Variants in STK32B observed in about 807,000 individuals in gnomAD.
STK32B encodes the protein serine/threonine kinase 32B, also known as serine/threonine-protein kinase 32B.
A neutral mutation model predicts 52.6 loss-of-function variants in STK32B; 43 were observed. The observed-to-expected ratio is 0.82, with a 90% confidence interval of 0.64 to 1.05. The LOEUF (loss-of-function observed/expected upper bound fraction) is 1.05, where lower values mean the gene tolerates loss of function less well. STK32B is among the 50% of genes least tolerant of loss of function. The pLI is 0.00. For missense variants in STK32B, 621 were observed against 534.6 expected (o/e 1.16, Z -1.59); for synonymous variants, 238 against 204.3 (o/e 1.17, Z -1.41).
At chr4:5,167,457 G>A (rs1007842068) in intron 2 of STK32B, among the ~76,000 whole-genome samples, 1 of 152,084 alleles carries the variant, frequency 6.6e-6, no homozygotes, top group Admixed American at 6.5e-5. Flanking sequence ...AGCTTCTCCT[G>A]TGCTCCCCCA....
At chr4:5,317,043 ATATATATAATATATATGATATAATATAT>A (rs1730992778) in intron 3 of STK32B, among the ~76,000 whole-genome samples, 1 of 29,030 alleles carries the variant, frequency 3.4e-5, no homozygotes, top group Non-Finnish European at 4.7e-5. Context: ...ATAATATATT[ATATATATAATATATATGATATAATATAT>A]TATATATTAT....
At chr4:5,096,212 G>A (rs573568894) in intron 1 of STK32B, among the ~76,000 whole-genome samples, 2 of 152,250 alleles carry the variant, frequency 1.3e-5, no homozygotes, top group South Asian at 4.2e-4. Context: ...AAAACTTTGG[G>A]TTTACCCTAA....
At chr4:5,419,883 A>G (rs1712478534) in intron 6 of STK32B, among the ~76,000 whole-genome samples, 1 of 152,226 alleles carries the variant, frequency 6.6e-6, no homozygotes, top group Admixed American at 6.5e-5. Flanking sequence ...TAAATAGAAT[A>G]AATGAAGTTT....
chr4:5,022,317 C>G, the STK32B span, among the ~76,000 whole-genome samples: 1 of 152,130 alleles, frequency 6.6e-6, no homozygotes. Flanking sequence ...GGTGACTACT[C>G]GTGTTACTCA....
At chr4:5,316,619 TTA>T (rs1436111947) in intron 3 of STK32B, among the ~76,000 whole-genome samples, 2 of 14,916 alleles carry the variant, frequency 1.3e-4, no homozygotes, top group Non-Finnish European at 1.8e-4. Flanking sequence ...ATATTATATA[TTA>T]TATATATAAT....
rs1047943441 is a variant in STK32B, at chr4:5,500,054, G to C, written c.*971G>C. 6.6e-6 allele frequency: 1 copy of C among 152,242 alleles called. No individual in the cohort carries two copies. The highest frequency in any genetic ancestry group is 1.5e-5 in the Non-Finnish European group (1 of 68,056). The allele number at this position is 152,242 out of a possible 1,614,324, so 9.4% of individuals were successfully genotyped here. ...ATACAATAGGAAGCATGGGTGCTTA[G>C]AAAGTTTATTTCAGGAGGAAAATGG... On this transcript the variant is annotated 3_prime_UTR_variant, in exon 12 of 12. Coordinates refer to ENST00000282908, the MANE Select transcript of STK32B (RefSeq NM_018401.3).
the STK32B span, among the ~76,000 whole-genome samples, chr4:5,044,536 A>G: frequency 2.0e-5 from 3 of 152,164 alleles, no homozygotes; most frequent in African/African-American, 7.2e-5. Flanking sequence ...GATTTGAGCT[A>G]TCTTTGACTC....
chr4:5,051,809 C>G lies in STK32B; in HGVS notation c.-55C>G. The G allele has an allele frequency of 3.8e-6, 6 of 1,560,318 alleles. No individual in the cohort carries two copies. Among genetic ancestry groups the G allele is most frequent in the Non-Finnish European group, 5.2e-6 (6 of 1,152,904 alleles). On this transcript the variant is annotated 5_prime_UTR_variant, in exon 1 of 12. It adds an upstream start codon to the 5' untranslated region. Transcript: ENST00000282908. ...CCGCATCTCTGCGCGCGTCCCACATCCCGCATCCGGCATCCCAGCGGCCGG... is the reference window on the plus strand; with the variant it reads ...CCGCATCTCTGCGCGCGTCCCACATGCCGCATCCGGCATCCCAGCGGCCGG...
Position 5,460,929 on chromosome 4 carries a change from G to C in STK32B, c.909+701G>C, listed in dbSNP as rs1289644162. On this transcript the variant is annotated intron_variant, in intron 9 of 11. Coordinates refer to ENST00000282908, the MANE Select transcript of STK32B (RefSeq NM_018401.3). The surrounding 1 kb of genome is among the most constrained non-coding windows in gnomAD (Gnocchi z 4.8). Reference sequence around the variant, plus strand: ...GGTTTTGTCCCCCAGAAACTGGAGTGTTTAAGGCAGGGAAGTGAAAGCATT... The same window carrying C: ...GGTTTTGTCCCCCAGAAACTGGAGTCTTTAAGGCAGGGAAGTGAAAGCATT... Among the ~76,000 whole-genome samples, 1 of 152,342 alleles carries C rather than the reference G, an allele frequency of 6.6e-6. No homozygotes were observed.
rs148548336 is a variant in STK32B, at chr4:5,398,080, G to A, written c.435-127G>A. 792 of 896,648 alleles carry A rather than the reference G, an allele frequency of 8.8e-4. 1 individual carries two copies. The African/African-American group carries it at 0.011, about 12-fold the overall frequency. The allele number at this position is 896,648 out of a possible 1,614,324, so 55.5% of individuals were successfully genotyped here. The stretch of plus-strand genomic sequence containing the variant: ...CCAATTATTCTCCCACTCCATGTCT[G>A]AGGCTTCAGGTCAGGGAGAGGTGAG... On this transcript the variant is annotated intron_variant, in intron 4 of 11. Coordinates refer to ENST00000282908, the MANE Select transcript of STK32B (RefSeq NM_018401.3). This position sits in a 1 kb window ranked among gnomAD's most constrained non-coding sequence, Gnocchi z 4.9.
At chr4:5,414,549 A>T (rs1289797438) in intron 5 of STK32B, among the ~76,000 whole-genome samples, 2 of 152,080 alleles carry the variant, frequency 1.3e-5, no homozygotes, top group Non-Finnish European at 2.9e-5. Context: ...AGCTTGGGGG[A>T]CATTGGGGAG....
intron 6 of STK32B, among the ~76,000 whole-genome samples, chr4:5,439,252 T>C (rs1216824340): frequency 1.3e-5 from 2 of 151,296 alleles, no homozygotes; most frequent in Admixed American, 1.3e-4. Flanking sequence ...CTCCACATCC[T>C]CTCCAGCACC....
intron 3 of STK32B, among the ~76,000 whole-genome samples, chr4:5,211,235 T>G (rs1198973278): frequency 6.6e-6 from 1 of 152,218 alleles, no homozygotes; most frequent in Non-Finnish European, 1.5e-5. Flanking sequence ...ATTAGCATGC[T>G]TTTCCACAAA....
intron 5 of STK32B, among the ~76,000 whole-genome samples, chr4:5,411,559 G>A (rs909577443): frequency 6.6e-6 from 1 of 152,194 alleles, no homozygotes; most frequent in Admixed American, 6.5e-5. Flanking sequence ...TTTAAAGTGT[G>A]TGGGAGGTTG....
intron 4 of STK32B, among the ~76,000 whole-genome samples, chr4:5,360,854 C>G (rs192413928): frequency 9.7e-4 from 148 of 152,280 alleles, no homozygotes; most frequent in African/African-American, 3.5e-3. Flanking sequence ...TGGTAAAATA[C>G]ACATAACAGA....
At chr4:5,134,393 C>T (rs1165753158) in intron 1 of STK32B, among the ~76,000 whole-genome samples, 1 of 152,148 alleles carries the variant, frequency 6.6e-6, no homozygotes, top group Admixed American at 6.5e-5. Flanking sequence ...AAGCTTAGCC[C>T]CCTCTTGCTC....
intron 3 of STK32B, among the ~76,000 whole-genome samples, chr4:5,243,795 T>C (rs188577081): frequency 8.5e-5 from 13 of 152,316 alleles, no homozygotes; most frequent in Admixed American, 7.2e-4. Context: ...TGAAGGGTTG[T>C]TGAATTTTGT....
At chr4:5,403,888 G>A (rs1422949699) in intron 5 of STK32B, among the ~76,000 whole-genome samples, 4 of 152,274 alleles carry the variant, frequency 2.6e-5, no homozygotes, top group Non-Finnish European at 4.4e-5. Flanking sequence ...TTTCTGTTAA[G>A]CCTGAGGAGC....
At chr4:5,022,144 C>A in the STK32B span, among the ~76,000 whole-genome samples, 15 of 152,332 alleles carry the variant, frequency 9.8e-5, no homozygotes, top group African/African-American at 3.6e-4. Flanking sequence ...CAGGGTTCCT[C>A]CGCATCCTAT....
Sources: allele counts gnomAD v4.1 joint callset (sites outside exome capture counted in the v4.1 genomes callset), GRCh38; gene constraint gnomAD v4.1.1; non-coding constraint Gnocchi (gnomAD v3.1); transcripts MANE v1.5; gene names NCBI Gene and HGNC (gene_info 2026-07-23, HGNC 2026-07-21).